Variants in ASIC2 observed in about 807,000 individuals in gnomAD.
The protein encoded by ASIC2 is acid-sensing ion channel 2.
In ASIC2, 25 loss-of-function variants were observed where a neutral mutation model predicts 57.3. The observed-to-expected ratio is 0.44, with a 90% CI of 0.32 to 0.61. The LOEUF is 0.61. Among genes scored for constraint, ASIC2 ranks in the 20% least tolerant of loss-of-function variants. The pLI is 0.06. For synonymous variants in ASIC2, 319 were observed against 307.5 expected (o/e 1.04, Z -0.39); for missense variants, 641 against 738.1 (o/e 0.87, Z 1.52).
chr17:33,523,098 C>A (rs1914790424), intron 1 of ASIC2, among the ~76,000 whole-genome samples: 1 of 152,220 alleles, frequency 6.6e-6, no homozygotes, highest in Non-Finnish European at 1.5e-5. Context: ...AAGGAAAAGA[C>A]CCTTCTCTTT....
At chr17:33,840,394 A>G (rs1289465654) in intron 1 of ASIC2, among the ~76,000 whole-genome samples, 1 of 152,136 alleles carries the variant, frequency 6.6e-6, no homozygotes, top group African/African-American at 2.4e-5. Flanking sequence ...AGGAGCAAAG[A>G]CGCTTCAGGC....
chr17:33,846,004 C>T (rs1389605238), intron 1 of ASIC2, among the ~76,000 whole-genome samples: 1 of 152,172 alleles, frequency 6.6e-6, no homozygotes, highest in Admixed American at 6.5e-5. Flanking sequence ...AAAATTCATG[C>T]AAAGACCTAC....
rs114334318 is a variant in ASIC2 at position 33,755,287 on chromosome 17, G to A, written c.555+400691C>T. Among the ~76,000 whole-genome samples, 451 of 152,316 alleles carry A rather than the reference G, an allele frequency of 3.0e-3. 1 individual carries two copies. Among genetic ancestry groups the A allele is most frequent in the African/African-American group, 0.01 (432 of 41,580 alleles). On this transcript the variant is annotated intron_variant, in intron 1 of 9. Transcript: ENST00000359872. ...TCTTCAAAACTTCTGTGTGGAGCAC[G>A]ACCCTGCTGTTACCTTGGTTTCAGC...
chr17:33,089,931 C>T (rs1022330200), intron 2 of ASIC2, among the ~76,000 whole-genome samples: 1 of 152,178 alleles, frequency 6.6e-6, no homozygotes, highest in Admixed American at 6.5e-5. Flanking sequence ...ACTTATGGGA[C>T]TGTATAAGCC....
chr17:33,859,060 C>T (rs1462524973), intron 1 of ASIC2, among the ~76,000 whole-genome samples: 1 of 152,194 alleles, frequency 6.6e-6, no homozygotes, highest in East Asian at 1.9e-4. Flanking sequence ...TACTACATGC[C>T]ATTCATTATG....
rs114651303 is a variant in ASIC2, at chr17:33,202,157, A to G, written c.708+89251T>C. ...CATCCTGGGCTAAGCCCCAATTTTGAGGCTCACCTGGCCTGCCTGCATCAG... is the reference window on the plus strand; with the variant it reads ...CATCCTGGGCTAAGCCCCAATTTTGGGGCTCACCTGGCCTGCCTGCATCAG... On this transcript the variant is annotated intron_variant, in intron 1 of 9. Transcript: ENST00000225823. 3.3e-3 allele frequency among the ~76,000 whole-genome samples: 500 copies of G among 152,190 alleles called. 3 individuals are homozygous for G. The highest frequency in any genetic ancestry group is 0.011 in the African/African-American group (476 of 41,516).
intron 3 of ASIC2, among the ~76,000 whole-genome samples, chr17:33,049,085 CTT>C (rs1344957761): frequency 1.3e-5 from 2 of 152,156 alleles, no homozygotes; most frequent in African/African-American, 4.8e-5. Flanking sequence ...AGAGCGTGGA[CTT>C]TGGTATTAGG....
At chr17:33,857,379 G>A (rs2141921189) in intron 1 of ASIC2, among the ~76,000 whole-genome samples, 1 of 152,308 alleles carries the variant, frequency 6.6e-6, no homozygotes, top group South Asian at 2.1e-4. Flanking sequence ...GGTGAGAGAT[G>A]ATGGGACTCC....
chr17:34,092,089 T>C (rs1435320027), intron 1 of ASIC2, among the ~76,000 whole-genome samples: 1 of 152,036 alleles, frequency 6.6e-6, no homozygotes, highest in East Asian at 1.9e-4. Context: ...GGCAGAAAAT[T>C]CTAGGGGTGG....
intron 1 of ASIC2, among the ~76,000 whole-genome samples, chr17:33,400,928 A>C (rs183328836): frequency 6.6e-6 from 1 of 152,290 alleles, no homozygotes; most frequent in East Asian, 1.9e-4. Flanking sequence ...ACACTTCCAA[A>C]ATCTCAGTGG....
chr17:33,119,362 A>G (rs1296865586), intron 1 of ASIC2, among the ~76,000 whole-genome samples: 1 of 152,230 alleles, frequency 6.6e-6, no homozygotes, highest in Admixed American at 6.5e-5. Flanking sequence ...ACTGTTTTCA[A>G]AATAATATGC....
intron 1 of ASIC2, among the ~76,000 whole-genome samples, chr17:33,440,718 G>A (rs184939830): frequency 2.6e-5 from 4 of 152,276 alleles, no homozygotes; most frequent in Admixed American, 2.0e-4. Context: ...GACTAATGAT[G>A]TGGAATATAT....
intron 2 of ASIC2, among the ~76,000 whole-genome samples, chr17:33,110,872 C>A (rs1305673001): frequency 6.6e-6 from 1 of 152,152 alleles, no homozygotes; most frequent in Non-Finnish European, 1.5e-5. Context: ...AATCTTCCCT[C>A]CCCTCCCACT....
chr17:33,651,440 A>G (rs937852907), intron 1 of ASIC2, among the ~76,000 whole-genome samples: 1 of 152,230 alleles, frequency 6.6e-6, no homozygotes, highest in African/African-American at 2.4e-5. Context: ...CAACACTGAC[A>G]GTTCTGTTAG....
chr17:33,978,242 C>A (rs1418784988), intron 1 of ASIC2, among the ~76,000 whole-genome samples: 1 of 152,182 alleles, frequency 6.6e-6, no homozygotes, highest in African/African-American at 2.4e-5. Flanking sequence ...CCTCATTTGC[C>A]TAAGTTTTTG....
intron 1 of ASIC2, among the ~76,000 whole-genome samples, chr17:33,484,780 T>C (rs1241084044): frequency 6.6e-6 from 1 of 152,144 alleles, no homozygotes; most frequent in Non-Finnish European, 1.5e-5. Flanking sequence ...GACATGTCAG[T>C]TTACCATTGC....
At chr17:33,340,469 C>T (rs1343306886) in intron 1 of ASIC2, among the ~76,000 whole-genome samples, 1 of 152,166 alleles carries the variant, frequency 6.6e-6, no homozygotes, top group African/African-American at 2.4e-5. Flanking sequence ...GCGCTTGGCA[C>T]ACAGCAAGTG....
intron 1 of ASIC2, among the ~76,000 whole-genome samples, chr17:33,635,967 A>G (rs977946974): frequency 1.3e-5 from 2 of 152,256 alleles, no homozygotes; most frequent in Non-Finnish European, 2.9e-5. Flanking sequence ...CATGCATACA[A>G]AGTAATAGTA....
intron 2 of ASIC2, among the ~76,000 whole-genome samples, chr17:33,101,778 T>C (rs1201394377): frequency 6.6e-6 from 1 of 152,246 alleles, no homozygotes; most frequent in East Asian, 1.9e-4. Context: ...TCTGTAAATA[T>C]TGTGCACAGC....
Sources: allele counts gnomAD v4.1 joint callset (sites outside exome capture counted in the v4.1 genomes callset), GRCh38; gene constraint gnomAD v4.1.1; transcripts MANE v1.5; gene names NCBI Gene and HGNC (gene_info 2026-07-23, HGNC 2026-07-21).